Variants in SLC12A7 observed in about 807,000 individuals in gnomAD.
SLC12A7 encodes the protein K-Cl cotransporter 4.
A neutral mutation model predicts 120.6 loss-of-function variants in SLC12A7; 100 were observed. The ratio of observed to expected loss-of-function variants is 0.83; its 90% CI spans 0.71 to 0.98. The LOEUF is 0.98. SLC12A7 is among the 50% of genes least tolerant of loss of function. The probability of loss-of-function intolerance (pLI) is 0.00; values close to 1 mark genes in which losing one functional copy is unlikely to be tolerated. For synonymous variants in SLC12A7, 760 were observed against 678.0 expected (o/e 1.12, Z -1.88); for missense variants, 1,373 against 1,548.1 (o/e 0.89, Z 1.90).
Position 1,112,020 on chromosome 5 carries a change from C to A in SLC12A7, c.-29G>T, listed in dbSNP as rs751950715. ...CGCCTGCAGCCGACAGTCCCCGTCC[C>A]GGCCCGGCCCGCGCTGCGCCGCTCC... On this transcript the variant is annotated 5_prime_UTR_variant, in exon 1 of 24. Coordinates refer to ENST00000264930, the MANE Select transcript of SLC12A7 (RefSeq NM_006598.3). 1.6e-6 allele frequency: 2 copies of A among 1,240,044 alleles called. No individual in the cohort carries two copies. Among genetic ancestry groups the A allele is most frequent in the East Asian group, 3.1e-5 (1 of 31,882 alleles). 76.8% of individuals were successfully genotyped at this position (1,240,044 alleles called of 1,614,324 possible).
rs1021204388 is a variant in SLC12A7 at position 1,112,026 on chromosome 5, G to C, written c.-35C>G. ...CAGCCGACAGTCCCCGTCCCGGCCCGGCCCGCGCTGCGCCGCTCCCGCCGA... is the reference window on the plus strand; with the variant it reads ...CAGCCGACAGTCCCCGTCCCGGCCCCGCCCGCGCTGCGCCGCTCCCGCCGA... On this transcript the variant is annotated 5_prime_UTR_variant, in exon 1 of 24. Transcript: ENST00000264930. 7 of 1,238,794 alleles carry C rather than the reference G, an allele frequency of 5.7e-6. No homozygotes were observed. The African/African-American group carries it at 7.8e-5, about 14-fold the overall frequency. The allele number at this position is 1,238,794 out of a possible 1,614,324, so 76.7% of individuals were successfully genotyped here.
chr5:1,089,063 G>A lies in SLC12A7; in HGVS notation c.408C>T (p.Ile136=). 1 of 1,613,048 alleles carries A rather than the reference G, an allele frequency of 6.2e-7. No individual in the cohort carries two copies. The highest frequency in any genetic ancestry group is 8.5e-7 in the Non-Finnish European group (1 of 1,179,972). Reference sequence around the variant, plus strand: ...CGATCCACGTCAGGCGCAGGAAGAGGATGACGCCCAGGATGTTCTGCAGGC... The same window carrying A: ...CGATCCACGTCAGGCGCAGGAAGAGAATGACGCCCAGGATGTTCTGCAGGC... ...LPCLQNILGV[I]LFLRLTWIVG... Residue 136 remains isoleucine (I), a synonymous_variant, in exon 4 of 24, where the codon ATC becomes ATT. Coordinates refer to ENST00000264930, the MANE Select transcript of SLC12A7 (RefSeq NM_006598.3).
At chr5:1,087,677 C>G (rs530233587) in intron 5 of SLC12A7, among the ~76,000 whole-genome samples, 1 of 152,348 alleles carries the variant, frequency 6.6e-6, no homozygotes, top group Admixed American at 6.5e-5. Context: ...GGGATGGGGA[C>G]CAGCTGCGTG....
rs574433513 is a variant in SLC12A7 at position 1,064,094 on chromosome 5, G to A, written c.2596C>T (p.Arg866Cys). The A allele has an allele frequency of 5.1e-5, 82 of 1,606,890 alleles. No homozygotes were observed. Among genetic ancestry groups the A allele is most frequent in the Middle Eastern group, 1.7e-4 (1 of 6,042 alleles). ...GMLMLLPFLLRQHKVWRKCRM... is the reference protein window; with the variant it reads ...GMLMLLPFLLCQHKVWRKCRM... ...GTCGCACGCCCCACCTTGTGCTGGC[G>A]CAGCAGGAAGGGCAGCAGCATGAGC... is the stretch of plus-strand genomic sequence containing the variant. The change falls in exon 19 of 24, where the codon CGC becomes TGC. Residue 866 changes from arginine to cysteine, a missense_variant. Arg to Cys is a radical substitution (Grantham distance 180, BLOSUM62 -3). Coordinates refer to ENST00000264930, the MANE Select transcript of SLC12A7 (RefSeq NM_006598.3).
At chr5:1,118,401 G>A in the SLC12A7 span, among the ~76,000 whole-genome samples, 7 of 152,358 alleles carry the variant, frequency 4.6e-5, no homozygotes, top group East Asian at 7.7e-4. Context: ...ACTGGGAAAC[G>A]TTTCAGTGCA....
At chr5:1,093,501 G>GGACTGGGCGGC in intron 3 of SLC12A7, 32 bp downstream of exon 3, 2 of 1,562,362 alleles carry the variant, frequency 1.3e-6, no homozygotes, top group Non-Finnish European at 1.7e-6. Flanking sequence ...CACGGGGCGG[G>GGACTGGGCGGC]GACTGGGCGG....
At chr5:1,092,341 G>A (rs949228636) in intron 3 of SLC12A7, among the ~76,000 whole-genome samples, 2 of 152,238 alleles carry the variant, frequency 1.3e-5, no homozygotes, top group African/African-American at 4.8e-5. Flanking sequence ...GGAGGATGCA[G>A]GGGAGGGCAA....
intron 1 of SLC12A7, among the ~76,000 whole-genome samples, chr5:1,095,272 T>C (rs1289482574): frequency 6.6e-6 from 1 of 152,184 alleles, no homozygotes; most frequent in Non-Finnish European, 1.5e-5. Flanking sequence ...ATGAATCACC[T>C]GACCTGGGGG....
chr5:1,063,489 AGGTGTCCACAAGCAACACACGG>A (rs1174174006), intron 20 of SLC12A7, among the ~76,000 whole-genome samples: 1 of 152,132 alleles, frequency 6.6e-6, no homozygotes, highest in African/African-American at 2.4e-5. Flanking sequence ...GTGTTACACG[AGGTGTCCACAAGCAACACACGG>A]GGCTCTGTGC....
chr5:1,148,174 CT>C, the SLC12A7 span, among the ~76,000 whole-genome samples: 6 of 142,474 alleles, frequency 4.2e-5, no homozygotes, highest in East Asian at 2.1e-4. Context: ...ACAGAGTTTG[CT>C]TTTTTTTGTT....
At chr5:1,143,051 G>A in the SLC12A7 span, among the ~76,000 whole-genome samples, 1 of 152,014 alleles carries the variant, frequency 6.6e-6, no homozygotes, top group Non-Finnish European at 1.5e-5. Context: ...CAGAGCTTAC[G>A]GCTCCATCTG....
chr5:1,105,317 C>T (rs1411062506), intron 1 of SLC12A7, among the ~76,000 whole-genome samples: 3 of 149,566 alleles, frequency 2.0e-5, no homozygotes, highest in Non-Finnish European at 3.0e-5. Flanking sequence ...GGACCCTCCC[C>T]GCAGGGATGA....
Position 1,053,330 on chromosome 5 carries a change from A to G in SLC12A7, c.3160+19T>C. The G allele has an allele frequency of 6.2e-7, 1 of 1,612,062 alleles. No individual in the cohort carries two copies. The highest frequency in any genetic ancestry group is 8.5e-7 in the Non-Finnish European group (1 of 1,179,108). ...GGGGGTGCCCGCACGCTCAGCAGGC[A>G]CACTGCAAGAAAGGATACAGTTCTC... On this transcript the variant is annotated intron_variant, in intron 23 of 23. Transcript: ENST00000264930.
At chr5:1,147,170 G>A in the SLC12A7 span, among the ~76,000 whole-genome samples, 17,029 of 151,412 alleles carry the variant, frequency 0.11, 1,340 homozygotes, top group Non-Finnish European at 0.17. Context: ...TGGACAAGGG[G>A]ACCCAGGGCA....
At chr5:1,118,910 C>T in the SLC12A7 span, among the ~76,000 whole-genome samples, 2 of 152,168 alleles carry the variant, frequency 1.3e-5, no homozygotes, top group East Asian at 1.9e-4. Flanking sequence ...GCAGAGCTGG[C>T]GCTGACATCA....
chr5:1,136,026 C>T, the SLC12A7 span, among the ~76,000 whole-genome samples: 1 of 152,090 alleles, frequency 6.6e-6, no homozygotes. Context: ...CCAGAGGACA[C>T]GGATGCACAT....
intron 6 of SLC12A7, among the ~76,000 whole-genome samples, chr5:1,086,615 G>A (rs908666906): frequency 2.0e-5 from 3 of 152,244 alleles, no homozygotes; most frequent in African/African-American, 7.2e-5. Flanking sequence ...CTGCAGGACT[G>A]CACCTACGCG....
upstream of SLC12A7, among the ~76,000 whole-genome samples, chr5:1,113,604 A>C (rs566668643): frequency 5.9e-5 from 9 of 152,172 alleles, no homozygotes; most frequent in South Asian, 1.9e-3. Flanking sequence ...CCCACCTCCC[A>C]CCAAAGGGAG....
Position 1,058,177 on chromosome 5 carries a change from G to A in SLC12A7, c.2848-528C>T, listed in dbSNP as rs111818168. Among the ~76,000 whole-genome samples, 867 of 152,312 alleles carry A rather than the reference G, an allele frequency of 5.7e-3. 7 individuals are homozygous for A. The highest frequency in any genetic ancestry group is 0.02 in the African/African-American group (829 of 41,574). ...CACCGCTGGGGCCAATGACAGGGCCGGCCCCCTGTGCGTCACTTCTGACAA... is the reference window on the plus strand; with the variant it reads ...CACCGCTGGGGCCAATGACAGGGCCAGCCCCCTGTGCGTCACTTCTGACAA... On this transcript the variant is annotated intron_variant, in intron 21 of 23. Coordinates refer to ENST00000264930, the MANE Select transcript of SLC12A7 (RefSeq NM_006598.3).
Sources: allele counts gnomAD v4.1 joint callset (sites outside exome capture counted in the v4.1 genomes callset), GRCh38; gene constraint gnomAD v4.1.1; transcripts MANE v1.5; gene names NCBI Gene and HGNC (gene_info 2026-07-23, HGNC 2026-07-21).